Variants in PHF14 observed in about 807,000 individuals in gnomAD.
PHF14 encodes the protein PHD finger protein 14.
In PHF14, 55 loss-of-function variants were observed where a neutral mutation model predicts 117.9. The observed-to-expected ratio is 0.47, with a 90% confidence interval of 0.38 to 0.58. The LOEUF is 0.58. Ranked by LOEUF, PHF14 falls within the 20% of genes least tolerant of loss-of-function variation. The probability of loss-of-function intolerance (pLI) is 0.00; values close to 1 mark genes in which losing one functional copy is unlikely to be tolerated. For synonymous variants in PHF14, 409 were observed against 368.6 expected, an observed-to-expected ratio of 1.11 and a Z score of -1.26; for missense variants, 978 against 1,122.2, an observed-to-expected ratio of 0.87 and a Z score of 1.84.
At chr7:11,081,067 G>A (rs1211374481) in intron 16 of PHF14, among the ~76,000 whole-genome samples, 1 of 152,108 alleles carries the variant, frequency 6.6e-6, no homozygotes, top group Non-Finnish European at 1.5e-5. Flanking sequence ...GTATATATGT[G>A]TGTGTGTATT....
At chr7:11,148,035 A>C (rs1788597151) in intron 17 of PHF14, among the ~76,000 whole-genome samples, 1 of 152,082 alleles carries the variant, frequency 6.6e-6, no homozygotes, top group African/African-American at 2.4e-5. Context: ...ATCATTCCTA[A>C]TTACTTTCTT....
chr7:11,122,352 T>TATATATATATACACACACACACACAC, intron 17 of PHF14, among the ~76,000 whole-genome samples: 1 of 65,876 alleles, frequency 1.5e-5, no homozygotes, highest in South Asian at 5.1e-4. Context: ...TATATATATA[T>TATATATATATACACACACACACACAC]ACACACACAC....
At chr7:11,103,431 C>T (rs1787156775) in intron 16 of PHF14, 4 of 981,028 alleles carry the variant, frequency 4.1e-6, no homozygotes, top group Non-Finnish European at 4.8e-6. Flanking sequence ...GAAAGATCTT[C>T]ATCAACATCT....
At chr7:11,035,027 A>G (rs891760515) in intron 7 of PHF14, among the ~76,000 whole-genome samples, 3 of 151,984 alleles carry the variant, frequency 2.0e-5, no homozygotes, top group African/African-American at 7.3e-5. Context: ...TTAAACAGTG[A>G]CTTTTTAAAA....
intron 16 of PHF14, among the ~76,000 whole-genome samples, chr7:11,100,425 A>G (rs967735818): frequency 6.6e-6 from 1 of 152,022 alleles, no homozygotes; most frequent in African/African-American, 2.4e-5. Context: ...ATATATCTCC[A>G]TTTTAGAAGA....
intron 17 of PHF14, among the ~76,000 whole-genome samples, chr7:11,151,068 T>C (rs901818460): frequency 6.6e-6 from 1 of 152,070 alleles, no homozygotes; most frequent in African/African-American, 2.4e-5. Flanking sequence ...AATAGAATCT[T>C]AGACAAAAAA....
At chr7:11,093,878 G>C (rs1489408379) in intron 16 of PHF14, among the ~76,000 whole-genome samples, 1 of 152,108 alleles carries the variant, frequency 6.6e-6, no homozygotes, top group African/African-American at 2.4e-5. Context: ...AAAGTACAAG[G>C]GTAGTATACT....
chr7:10,995,640 A>C (rs1338748079), intron 4 of PHF14, among the ~76,000 whole-genome samples: 1 of 152,172 alleles, frequency 6.6e-6, no homozygotes, highest in African/African-American at 2.4e-5. Context: ...GCAGGAGCCC[A>C]TGGCGGGGTG....
intron 4 of PHF14, among the ~76,000 whole-genome samples, chr7:11,009,645 CTT>C (rs1485417129): frequency 1.2e-4 from 19 of 152,258 alleles, no homozygotes; most frequent in African/African-American, 4.6e-4. Context: ...AGTGCTAGAA[CTT>C]TGGTCTAGAG....
At chr7:10,985,688 TG>T (rs1396789376) in intron 3 of PHF14, among the ~76,000 whole-genome samples, 5 of 135,600 alleles carry the variant, frequency 3.7e-5, no homozygotes, top group African/African-American at 1.3e-4. Context: ...GGTCTCACTC[TG>T]TTGCCTAGGC....
At chr7:11,099,316 TA>T (rs1294744691) in intron 16 of PHF14, among the ~76,000 whole-genome samples, 14 of 152,152 alleles carry the variant, frequency 9.2e-5, no homozygotes, top group Non-Finnish European at 1.6e-4. Context: ...TATTCATAAA[TA>T]TTTTTTGTTT....
intron 17 of PHF14, among the ~76,000 whole-genome samples, chr7:11,112,310 G>A (rs1162459727): frequency 1.3e-5 from 2 of 152,008 alleles, no homozygotes; most frequent in East Asian, 1.9e-4. Context: ...GTCCTAGAGT[G>A]AATTAAAATT....
intron 17 of PHF14, among the ~76,000 whole-genome samples, chr7:11,115,621 G>A (rs1787577266): frequency 6.6e-6 from 1 of 151,896 alleles, no homozygotes; most frequent in Admixed American, 6.6e-5. Flanking sequence ...GCCAGATCAG[G>A]AAGTTAACAT....
chr7:10,993,409 C>CT (rs750201051), intron 4 of PHF14, among the ~76,000 whole-genome samples: 2 of 151,996 alleles, frequency 1.3e-5, no homozygotes, highest in African/African-American at 4.8e-5. Context: ...TGGAGCTGCC[C>CT]TTTTTTTGCT....
At chr7:11,103,515 G>T in intron 16 of PHF14, 6 of 984,962 alleles carry the variant, frequency 6.1e-6, no homozygotes, top group Non-Finnish European at 7.2e-6. Flanking sequence ...GTCAACGGCA[G>T]AAGTATGTTG....
chr7:11,036,876 A>G, intron 9 of PHF14, 109 bp from the exon 10 acceptor site: 1 of 962,736 alleles, frequency 1.0e-6, no homozygotes, highest in Non-Finnish European at 1.5e-6. Flanking sequence ...ATATACTTAA[A>G]AGTTTTAAAC....
At chr7:11,119,301 A>T (rs1457813991) in intron 17 of PHF14, among the ~76,000 whole-genome samples, 2 of 151,908 alleles carry the variant, frequency 1.3e-5, no homozygotes, top group Non-Finnish European at 2.9e-5. Flanking sequence ...GATAAAGGAC[A>T]TTTTATTACG....
intron 16 of PHF14, chr7:11,062,866 CA>C: frequency 1.0e-6 from 1 of 984,112 alleles, no homozygotes; most frequent in Non-Finnish European, 1.2e-6. Context: ...AAAGTTCTTA[CA>C]GTTCTTACAG....
At chr7:11,087,332 C>G (rs1786451287) in intron 16 of PHF14, among the ~76,000 whole-genome samples, 1 of 152,068 alleles carries the variant, frequency 6.6e-6, no homozygotes, top group African/African-American at 2.4e-5. Context: ...GCTGGGACTA[C>G]AGGCGCACAC....
Sources: gnomAD v4.1 joint callset for allele counts (sites outside exome capture counted in the v4.1 genomes callset) on GRCh38, gnomAD v4.1.1 for gene constraint, MANE v1.5 for transcripts, NCBI Gene and HGNC (gene_info 2026-07-23, HGNC 2026-07-21) for gene names.